RNF146: variants seen among roughly 807,000 people sequenced by gnomAD.
RNF146 encodes the protein ring finger protein 146.
In RNF146, 11 loss-of-function variants were observed where a neutral mutation model predicts 29.7. The observed-to-expected ratio is 0.37, with a 90% CI of 0.23 to 0.61. The LOEUF is 0.61. Ranked by LOEUF, RNF146 falls within the 20% of genes least tolerant of loss-of-function variation. RNF146 has a pLI of 0.66. For missense variants in RNF146, 342 were observed against 438.9 expected (o/e 0.78, Z 1.97); for synonymous variants, 150 against 159.7 (o/e 0.94, Z 0.46).
chr6:127,284,682 T>C (rs542366673), intron 2 of RNF146, among the ~76,000 whole-genome samples: 16 of 152,054 alleles, frequency 1.1e-4, no homozygotes, highest in African/African-American at 3.6e-4. Flanking sequence ...TATTGTTGTT[T>C]CAAGTTACAA....
chr6:127,285,142 G>T, intron 2 of RNF146: 2 of 886,654 alleles, frequency 2.3e-6, no homozygotes, highest in Non-Finnish European at 2.7e-6. Flanking sequence ...CATTGAGACT[G>T]TGTTGGTTCC....
At chr6:127,281,362 A>C (rs1463220642) in intron 2 of RNF146, among the ~76,000 whole-genome samples, 2 of 151,742 alleles carry the variant, frequency 1.3e-5, no homozygotes, top group African/African-American at 4.8e-5. Flanking sequence ...CAAGGAACTT[A>C]CTGTGATCCA....
rs1448630697 is a variant in RNF146, at chr6:127,280,298, C to T, written c.-41C>T. ...TGGCTGACTGCTGGTGAAGAAAATGCTTTATTTTTGTGGCAGGCATCTGTG... is the reference window on the plus strand; with the variant it reads ...TGGCTGACTGCTGGTGAAGAAAATGTTTTATTTTTGTGGCAGGCATCTGTG... On this transcript the variant is annotated 5_prime_UTR_variant, in exon 2 of 3. Coordinates refer to ENST00000368314, the MANE Select transcript of RNF146 (RefSeq NM_001242850.2). 2 of 1,545,958 alleles carry T rather than the reference C, an allele frequency of 1.3e-6. No individual in the cohort carries two copies. The highest frequency in any genetic ancestry group is 2.4e-5 in the South Asian group (2 of 83,814).
Position 127,286,925 on chromosome 6 carries a change from T to C in RNF146, c.312T>C (p.Tyr104=), listed in dbSNP as rs756316523. The change falls in exon 3 of 3, where the codon TAT becomes TAC. Residue 104 remains tyrosine (Y), a synonymous_variant. Coordinates refer to ENST00000368314, the MANE Select transcript of RNF146 (RefSeq NM_001242850.2). The surrounding 1 kb of genome is among the most constrained non-coding windows in gnomAD (Gnocchi z 4.6). The part of the protein sequence containing the change: ...LKAASRGNGE[Y]AWYYEGRNGW... Reference sequence around the variant, plus strand: ...CAGCAAGTAGAGGAAATGGTGAATATGCATGGTATTATGAAGGAAGAAATG... The same window carrying C: ...CAGCAAGTAGAGGAAATGGTGAATACGCATGGTATTATGAAGGAAGAAATG... The C allele has an allele frequency of 1.6e-5, 26 of 1,613,290 alleles. No individual in the cohort carries two copies. Among genetic ancestry groups the C allele is most frequent in the Non-Finnish European group, 2.1e-5 (25 of 1,179,598 alleles).
chr6:127,274,004 A>T (rs1346254446), intron 1 of RNF146, among the ~76,000 whole-genome samples: 1 of 152,064 alleles, frequency 6.6e-6, no homozygotes, highest in African/African-American at 2.4e-5. Context: ...CTGTTATTTC[A>T]GTACTATTAA....
At chr6:127,282,950 T>A (rs1779095840) in intron 2 of RNF146, among the ~76,000 whole-genome samples, 1 of 151,840 alleles carries the variant, frequency 6.6e-6, no homozygotes, top group Non-Finnish European at 1.5e-5. Context: ...TTGGAGTTTT[T>A]ATTGCAAGCT....
Position 127,286,139 on chromosome 6 carries a change from G to C in RNF146, c.3-477G>C, listed in dbSNP as rs531738780. ...TTAGTGATTACAAAGCACTTTTTTTGTCCATTTTTACCTGAGCTTTGTAAA... is the reference window on the plus strand; with the variant it reads ...TTAGTGATTACAAAGCACTTTTTTTCTCCATTTTTACCTGAGCTTTGTAAA... On this transcript the variant is annotated intron_variant, in intron 2 of 2. Transcript: ENST00000368314. This position sits in a 1 kb window ranked among gnomAD's most constrained non-coding sequence, Gnocchi z 4.6. The C allele has an allele frequency of 1.0e-4, 127 of 1,230,236 alleles. 2 individuals carry two copies. The South Asian group carries it at 4.3e-3, about 41-fold the overall frequency. The allele number at this position is 1,230,236 out of a possible 1,614,324, so 76.2% of individuals were successfully genotyped here.
chr6:127,287,586 CGATCAGATCGATCGG>C lies in RNF146; in HGVS notation c.976_990del (p.Ser326_Gly330del). The C allele has an allele frequency of 6.2e-7, 1 of 1,612,442 alleles. No individual in the cohort carries two copies. Among genetic ancestry groups the C allele is most frequent in the Non-Finnish European group, 8.5e-7 (1 of 1,179,268 alleles). ...TAATGCAAACCAGACAGTACCCGAT[CGATCAGATCGATCGG>C]GAACTGATCGATCAGTAGCAGGGGG... On this transcript the variant is annotated inframe_deletion, in exon 3 of 3. Transcript: ENST00000368314.
rs1284364472 is a variant in RNF146 at position 127,288,200 on chromosome 6, A to T, written c.*507A>T. ...TTATAGTAAAGTTATTGAAATGGAAATGAAAACAGCCAGTAACTTATGTTT... is the reference window on the plus strand; with the variant it reads ...TTATAGTAAAGTTATTGAAATGGAATTGAAAACAGCCAGTAACTTATGTTT... On this transcript the variant is annotated 3_prime_UTR_variant, in exon 3 of 3. Coordinates refer to ENST00000368314, the MANE Select transcript of RNF146 (RefSeq NM_001242850.2). 6.0e-6 allele frequency: 1 copy of T among 166,984 alleles called. No individual in the cohort carries two copies. The highest frequency in any genetic ancestry group is 1.5e-5 in the Non-Finnish European group (1 of 68,256). The allele number at this position is 166,984 out of a possible 1,614,324, so 10.3% of individuals were successfully genotyped here. A position where few individuals can be genotyped will look rare whatever the true frequency, so the allele number is the denominator to read the frequency against.
rs137938141 is a variant in RNF146, at chr6:127,287,840, C to CT, written c.*148dup. 237 of 584,104 alleles carry CT rather than the reference C, an allele frequency of 4.1e-4. No individual in the cohort carries two copies. Among genetic ancestry groups the CT allele is most frequent in the African/African-American group, 3.9e-3 (210 of 53,646 alleles). 36.2% of individuals were successfully genotyped at this position (584,104 alleles called of 1,614,324 possible). ...AAGGATAGACTCATAATTAAAATGTCTAACATGTCTCTGTTGAGAAATTTA... is the reference window on the plus strand; with the variant it reads ...AAGGATAGACTCATAATTAAAATGTCTTAACATGTCTCTGTTGAGAAATTTA... On this transcript the variant is annotated 3_prime_UTR_variant, in exon 3 of 3. Coordinates refer to ENST00000368314, the MANE Select transcript of RNF146 (RefSeq NM_001242850.2).
At chr6:127,275,103 A>G (rs1401903967) in intron 1 of RNF146, among the ~76,000 whole-genome samples, 1 of 152,146 alleles carries the variant, frequency 6.6e-6, no homozygotes, top group Non-Finnish European at 1.5e-5. Flanking sequence ...GGGCTGACCT[A>G]TGTGGTCATC....
chr6:127,283,363 A>C (rs547182621), intron 2 of RNF146, among the ~76,000 whole-genome samples: 7 of 151,850 alleles, frequency 4.6e-5, no homozygotes, highest in African/African-American at 1.7e-4. Context: ...TCAAAATTAG[A>C]ATTTTCTGAG....
At chr6:127,278,472 CTTA>C (rs951218449) in intron 1 of RNF146, among the ~76,000 whole-genome samples, 7 of 151,886 alleles carry the variant, frequency 4.6e-5, no homozygotes, top group Admixed American at 2.0e-4. Context: ...CTGTATGTGG[CTTA>C]TTAGTATGTT....
At chr6:127,269,955 G>GT (rs1777229166) in intron 1 of RNF146, among the ~76,000 whole-genome samples, 1 of 152,062 alleles carries the variant, frequency 6.6e-6, no homozygotes, top group Non-Finnish European at 1.5e-5. Flanking sequence ...GAAAAATACA[G>GT]TAAGTCTTCA....
At chr6:127,269,246 T>C (rs1285224560) in intron 1 of RNF146, among the ~76,000 whole-genome samples, 1 of 152,230 alleles carries the variant, frequency 6.6e-6, no homozygotes, top group Non-Finnish European at 1.5e-5. Context: ...AACGGACTGC[T>C]AATTAAAGCA....
chr6:127,280,612 G>C, intron 2 of RNF146: 1 of 1,103,242 alleles, frequency 9.1e-7, no homozygotes, highest in Non-Finnish European at 1.1e-6. Context: ...CAGGTCCTCT[G>C]GGTTCTACCT....
intron 1 of RNF146, among the ~76,000 whole-genome samples, chr6:127,274,686 A>G (rs536603589): frequency 6.6e-6 from 1 of 152,300 alleles, no homozygotes; most frequent in African/African-American, 2.4e-5. Flanking sequence ...GGTACATCTT[A>G]AAAGACTTGT....
intron 1 of RNF146, among the ~76,000 whole-genome samples, chr6:127,276,129 G>C (rs1260528202): frequency 6.6e-6 from 1 of 151,832 alleles, no homozygotes. Flanking sequence ...CAGCATTCTA[G>C]CCTGGGAAAC....
intron 1 of RNF146, among the ~76,000 whole-genome samples, chr6:127,276,898 C>G (rs1331286404): frequency 6.6e-6 from 1 of 151,986 alleles, no homozygotes; most frequent in Non-Finnish European, 1.5e-5. Context: ...GGTGAGATTC[C>G]TAGGTTTAAA....
Sources: gnomAD v4.1 joint callset for allele counts (sites outside exome capture counted in the v4.1 genomes callset) on GRCh38, gnomAD v4.1.1 for gene constraint, Gnocchi (gnomAD v3.1) non-coding constraint, MANE v1.5 for transcripts, NCBI Gene and HGNC (gene_info 2026-07-23, HGNC 2026-07-21) for gene names.